The following NKAIN3 variants were observed in gnomAD, a reference collection of about 807,000 sequenced individuals.
NKAIN3 encodes sodium/potassium transporting ATPase interacting 3.
Under a neutral mutation model 30.2 loss-of-function variants are expected in NKAIN3, and 25 were observed. That is an observed-to-expected ratio of 0.83 (90% CI 0.60 to 1.16). The LOEUF (loss-of-function observed/expected upper bound fraction) is 1.16. NKAIN3 is among the 50% of genes most tolerant of loss of function. The probability of loss-of-function intolerance (pLI) is 0.00; values close to 1 mark genes in which losing one functional copy is unlikely to be tolerated. For synonymous variants in NKAIN3, 91 were observed against 89.6 expected, an observed-to-expected ratio of 1.02 and a Z score of -0.09; for missense variants, 225 against 254.1, an observed-to-expected ratio of 0.89 and a Z score of 0.78.
chr8:62,569,724 C>T (rs1204287261), intron 1 of NKAIN3, among the ~76,000 whole-genome samples: 1 of 148,414 alleles, frequency 6.7e-6, no homozygotes, highest in Non-Finnish European at 1.5e-5. Context: ...TGCAGTGAGT[C>T]AAGATTGCAA....
intron 4 of NKAIN3, among the ~76,000 whole-genome samples, chr8:62,842,724 G>GT (rs1819569956): frequency 6.6e-6 from 1 of 152,004 alleles, no homozygotes; most frequent in South Asian, 2.1e-4. Context: ...ATGGTCAATT[G>GT]ATTTTTTACA....
At chr8:62,997,573 G>T (rs1309620765) in intron 5 of NKAIN3, among the ~76,000 whole-genome samples, 1 of 152,106 alleles carries the variant, frequency 6.6e-6, no homozygotes, top group African/African-American at 2.4e-5. Flanking sequence ...GAAGAGCCTG[G>T]GTTTTCAGAG....
In NKAIN3 at chr8:62,968,006, G is replaced by A. The variant is rs1015045703; in HGVS notation, c.*2599G>A. ...AATGTAGGCAACTATTTAATATGGT[G>A]TATATGTTTTCATTTTTAATCTTTC... On this transcript the variant is annotated 3_prime_UTR_variant, in exon 7 of 7. Transcript: ENST00000623646. 7.2e-5 allele frequency among the ~76,000 whole-genome samples: 11 copies of A among 152,156 alleles called. No individual in the cohort carries two copies. Among genetic ancestry groups the A allele is most frequent in the African/African-American group, 2.4e-4 (10 of 41,442 alleles).
chr8:62,527,125 C>T (rs919205900), intron 1 of NKAIN3, among the ~76,000 whole-genome samples: 2 of 152,184 alleles, frequency 1.3e-5, no homozygotes, highest in African/African-American at 4.8e-5. Flanking sequence ...GAGCTCATGA[C>T]AGACTGCGTG....
At chr8:62,644,401 T>C (rs554915639) in intron 3 of NKAIN3, among the ~76,000 whole-genome samples, 46 of 150,812 alleles carry the variant, frequency 3.1e-4, no homozygotes, top group Non-Finnish European at 5.4e-4. Flanking sequence ...TTAAGAAATA[T>C]AGTTAGATCT....
At chr8:62,352,716 G>T (rs925973830) in intron 1 of NKAIN3, among the ~76,000 whole-genome samples, 6 of 152,090 alleles carry the variant, frequency 3.9e-5, no homozygotes, top group Non-Finnish European at 8.8e-5. Context: ...TAACTGAACT[G>T]CTAACCACCA....
intron 3 of NKAIN3, among the ~76,000 whole-genome samples, chr8:62,614,313 A>G (rs1393591694): frequency 6.6e-6 from 1 of 152,182 alleles, no homozygotes; most frequent in Non-Finnish European, 1.5e-5. Flanking sequence ...CAGGATTTTC[A>G]GATACTCTTG....
chr8:62,376,938 T>A (rs1450983230), intron 1 of NKAIN3, among the ~76,000 whole-genome samples: 2 of 152,134 alleles, frequency 1.3e-5, no homozygotes, highest in African/African-American at 4.8e-5. Context: ...TTATATATAT[T>A]TTGATTTTTC....
At chr8:62,911,072 C>T (rs899086179) in intron 4 of NKAIN3, among the ~76,000 whole-genome samples, 10 of 152,042 alleles carry the variant, frequency 6.6e-5, no homozygotes, top group Admixed American at 5.2e-4. Context: ...AGGCATCATT[C>T]TCATATTGAA....
At chr8:62,860,669 T>C (rs1451452046) in intron 4 of NKAIN3, among the ~76,000 whole-genome samples, 2 of 152,296 alleles carry the variant, frequency 1.3e-5, no homozygotes, top group East Asian at 3.9e-4. Context: ...TAGTCGGTGG[T>C]ACTTGTCCAT....
intron 4 of NKAIN3, among the ~76,000 whole-genome samples, chr8:62,763,741 A>G (rs187248144): frequency 6.6e-6 from 1 of 152,354 alleles, no homozygotes; most frequent in East Asian, 1.9e-4. Context: ...TTAAGAGTTA[A>G]CGAAAGAGGA....
intron 1 of NKAIN3, among the ~76,000 whole-genome samples, chr8:62,373,473 G>T (rs192645858): frequency 6.6e-6 from 1 of 152,170 alleles, no homozygotes; most frequent in Non-Finnish European, 1.5e-5. Context: ...AGAGAGGAGA[G>T]ATTATACTGA....
intron 4 of NKAIN3, among the ~76,000 whole-genome samples, chr8:62,772,096 T>TTC (rs1402733547): frequency 3.9e-5 from 6 of 152,184 alleles, no homozygotes; most frequent in African/African-American, 1.2e-4. Context: ...TTATTCTACT[T>TTC]TCTCTCTCTC....
In NKAIN3 at chr8:62,784,799, G is replaced by A. The variant is rs145842422; in HGVS notation, c.471+37670G>A. 7.0e-3 allele frequency among the ~76,000 whole-genome samples: 1,058 copies of A among 152,046 alleles called. 9 individuals carry two copies. The highest frequency in any genetic ancestry group is 0.03 in the South Asian group (145 of 4,818). The stretch of plus-strand genomic sequence containing the variant: ...TTAGACACCAAGGCCACAAAAAGAC[G>A]TCACAAAAATAAAAAACATAGATAT... On this transcript the variant is annotated intron_variant, in intron 4 of 6. Coordinates refer to ENST00000623646, the MANE Select transcript of NKAIN3 (RefSeq NM_001304533.3).
chr8:62,426,383 A>T (rs1804808844), intron 1 of NKAIN3, among the ~76,000 whole-genome samples: 1 of 152,016 alleles, frequency 6.6e-6, no homozygotes. Flanking sequence ...TTACTTCAGA[A>T]TATGAATATA....
intron 1 of NKAIN3, among the ~76,000 whole-genome samples, chr8:62,484,320 C>T (rs1341938169): frequency 1.3e-5 from 2 of 152,234 alleles, no homozygotes; most frequent in Non-Finnish European, 2.9e-5. Context: ...CCCCAACACC[C>T]ACCATGCCAC....
intron 3 of NKAIN3, among the ~76,000 whole-genome samples, chr8:62,636,022 A>T (rs1332556695): frequency 1.3e-5 from 2 of 152,198 alleles, no homozygotes; most frequent in Non-Finnish European, 2.9e-5. Context: ...TTCAGTCTGC[A>T]CCAAGTTCAG....
chr8:62,626,514 T>A (rs1384454076), intron 3 of NKAIN3, among the ~76,000 whole-genome samples: 2 of 152,070 alleles, frequency 1.3e-5, no homozygotes, highest in East Asian at 3.9e-4. Flanking sequence ...AGCACTAAAC[T>A]GCAGTATTTC....
At position 62,391,988 on chromosome 8, in the gene NKAIN3, A is replaced by G. The variant is rs182308341; in HGVS notation, c.54+142861A>G. ...TGTATTAATCTCTGACCCTCTCTCA[A>G]TGACGACAACAACAACAATGACAAC... is the stretch of plus-strand genomic sequence containing the variant. On this transcript the variant is annotated intron_variant, in intron 1 of 6. Transcript: ENST00000623646. 4.5e-3 allele frequency among the ~76,000 whole-genome samples: 682 copies of G among 152,152 alleles called. 1 individual carries two copies. The highest frequency in any genetic ancestry group is 7.8e-3 in the Non-Finnish European group (529 of 67,896).
Sources: gnomAD v4.1 joint callset for allele counts (sites outside exome capture counted in the v4.1 genomes callset) on GRCh38, gnomAD v4.1.1 for gene constraint, MANE v1.5 for transcripts, NCBI Gene and HGNC (gene_info 2026-07-23, HGNC 2026-07-21) for gene names.